Variants in PDE1C observed in about 807,000 individuals in gnomAD.
PDE1C encodes phosphodiesterase 1C, also known as dual specificity calcium/calmodulin-dependent 3',5'-cyclic nucleotide phosphodiesterase 1C.
PDE1C carries 62 observed loss-of-function variants against 93.1 expected under a neutral mutation model. The observed-to-expected ratio is 0.67, with a 90% confidence interval of 0.54 to 0.82. The LOEUF is 0.82. Ranked by LOEUF, PDE1C falls within the 40% of genes least tolerant of loss-of-function variation. The probability of loss-of-function intolerance (pLI) is 0.00; values close to 1 mark genes in which losing one functional copy is unlikely to be tolerated. For synonymous variants in PDE1C, 325 were observed against 310.1 expected (o/e 1.05, Z -0.50); for missense variants, 742 against 884.6 (o/e 0.84, Z 2.04).
At chr7:31,845,862 G>A (rs890163211) in intron 9 of PDE1C, among the ~76,000 whole-genome samples, 1 of 151,980 alleles carries the variant, frequency 6.6e-6, no homozygotes, top group Non-Finnish European at 1.5e-5. Context: ...GCCTGGTAGT[G>A]CATGCCTGTA....
rs956492250 is a variant in PDE1C at position 31,802,126 on chromosome 7, T to A, written c.1891+6905A>T. ...TCTTCCTATTTGTTTTCTATTTGTC[T>A]CACCTGTTCTTTGTTCCCTTCTTAC... On this transcript the variant is annotated intron_variant, in intron 16 of 17. Transcript: ENST00000396191. Among the ~76,000 whole-genome samples, 21 of 151,648 alleles carry A rather than the reference T, an allele frequency of 1.4e-4. 1 individual carries two copies. The highest frequency in any genetic ancestry group is 5.1e-4 in the African/African-American group (21 of 41,402).
At chr7:32,375,167 C>T (rs1291776119) in intron 1 of PDE1C, among the ~76,000 whole-genome samples, 1 of 152,102 alleles carries the variant, frequency 6.6e-6, no homozygotes, top group African/African-American at 2.4e-5. Context: ...GAAGGCAATA[C>T]CAAGAAGAGA....
At chr7:31,836,320 T>A (rs1425593920) in intron 11 of PDE1C, among the ~76,000 whole-genome samples, 5 of 148,502 alleles carry the variant, frequency 3.4e-5, no homozygotes, top group African/African-American at 1.2e-4. Context: ...TTTATAATAA[T>A]TAAAGATCCT....
At chr7:32,250,466 C>CT (rs1809289450) in intron 1 of PDE1C, among the ~76,000 whole-genome samples, 1 of 152,228 alleles carries the variant, frequency 6.6e-6, no homozygotes, top group Non-Finnish European at 1.5e-5. Flanking sequence ...AATCAGACCC[C>CT]TGGCTCCCTT....
intron 3 of PDE1C, among the ~76,000 whole-genome samples, chr7:32,141,264 C>T (rs1318723134): frequency 6.6e-6 from 1 of 152,086 alleles, no homozygotes; most frequent in Admixed American, 6.5e-5. Flanking sequence ...GACAGGAGTT[C>T]AATGCTGTAA....
chr7:32,193,483 T>A (rs553731174), intron 2 of PDE1C, among the ~76,000 whole-genome samples: 1 of 152,324 alleles, frequency 6.6e-6, no homozygotes, highest in African/African-American at 2.4e-5. Flanking sequence ...GATACTTGCA[T>A]CCATAGAATT....
At chr7:32,064,647 A>G (rs923394468) in intron 1 of PDE1C, among the ~76,000 whole-genome samples, 2 of 152,096 alleles carry the variant, frequency 1.3e-5, no homozygotes, top group Admixed American at 6.6e-5. Context: ...TATAACTGAA[A>G]GGATAAAACA....
Position 31,780,452 on chromosome 7 carries a change from C to T in PDE1C, c.1892-4720G>A, listed in dbSNP as rs962175704. The stretch of plus-strand genomic sequence containing the variant: ...TTATTAACATTTGCCCTGGTTTGTT[C>T]CATCTATGCTAGCTCTACTTTGTGA... On this transcript the variant is annotated intron_variant, in intron 16 of 17. Transcript: ENST00000396191. Among the ~76,000 whole-genome samples the T allele has an allele frequency of 7.2e-5, 11 of 152,272 alleles. No homozygotes were observed. In the South Asian group the frequency reaches 2.3e-3, roughly 32 times the overall value.
At chr7:32,042,217 T>C (rs1791919861) in intron 2 of PDE1C, among the ~76,000 whole-genome samples, 1 of 152,194 alleles carries the variant, frequency 6.6e-6, no homozygotes, top group East Asian at 1.9e-4. Flanking sequence ...GGAGAATCGC[T>C]TGAACTGGGG....
intron 3 of PDE1C, chr7:32,169,740 C>T: frequency 6.4e-7 from 1 of 1,571,268 alleles, no homozygotes; most frequent in Non-Finnish European, 8.7e-7. Flanking sequence ...GAAACAACTC[C>T]ACAAGCAAAT....
intron 1 of PDE1C, among the ~76,000 whole-genome samples, chr7:32,372,532 A>G (rs1784352097): frequency 6.6e-6 from 1 of 152,234 alleles, no homozygotes; most frequent in Non-Finnish European, 1.5e-5. Flanking sequence ...AACTACAAAA[A>G]GAAGAAAATA....
upstream of PDE1C, chr7:32,070,627 C>A: frequency 5.7e-6 from 8 of 1,403,838 alleles, no homozygotes; most frequent in Non-Finnish European, 7.4e-6. Flanking sequence ...GCCATGGTCC[C>A]GGGCTAATGC....
chr7:31,979,549 T>C (rs1812113323), intron 2 of PDE1C, among the ~76,000 whole-genome samples: 1 of 152,152 alleles, frequency 6.6e-6, no homozygotes. Flanking sequence ...GTAAAGGAAC[T>C]TGCCCAAGGT....
chr7:31,824,004 C>T (rs577687632), intron 13 of PDE1C, among the ~76,000 whole-genome samples: 121 of 152,172 alleles, frequency 8.0e-4, no homozygotes, highest in African/African-American at 2.8e-3. Context: ...GGGGCTCTGT[C>T]CTCCTTGTTA....
chr7:32,207,387 C>T (rs907389951), intron 2 of PDE1C, among the ~76,000 whole-genome samples: 5 of 151,924 alleles, frequency 3.3e-5, no homozygotes, highest in Non-Finnish European at 7.4e-5. Flanking sequence ...TCATCCGAAT[C>T]CTCCCAATCT....
intron 2 of PDE1C, among the ~76,000 whole-genome samples, chr7:32,023,309 T>TG (rs1347024009): frequency 2.0e-5 from 3 of 152,168 alleles, no homozygotes; most frequent in Admixed American, 6.6e-5. Flanking sequence ...AGATCATACT[T>TG]GCTGAAAAAC....
At chr7:31,854,611 C>A (rs1583619725) in intron 7 of PDE1C, among the ~76,000 whole-genome samples, 1 of 152,166 alleles carries the variant, frequency 6.6e-6, no homozygotes, top group Non-Finnish European at 1.5e-5. Context: ...TGGGGTACAA[C>A]AGAGCAGAGG....
At chr7:31,781,700 C>A (rs1191176014) in intron 16 of PDE1C, among the ~76,000 whole-genome samples, 1 of 123,318 alleles carries the variant, frequency 8.1e-6, no homozygotes, top group East Asian at 2.9e-4. Flanking sequence ...CACCCCCCAC[C>A]CCCCACACAC....
chr7:32,015,636 T>C (rs1369645593), intron 2 of PDE1C, among the ~76,000 whole-genome samples: 2 of 152,070 alleles, frequency 1.3e-5, no homozygotes. Flanking sequence ...AAGATGTATA[T>C]TTTTTGCTGA....
Sources: gnomAD v4.1 joint callset for allele counts (sites outside exome capture counted in the v4.1 genomes callset) on GRCh38, gnomAD v4.1.1 for gene constraint, MANE v1.5 for transcripts, NCBI Gene and HGNC (gene_info 2026-07-23, HGNC 2026-07-21) for gene names.